GALNT13: variants seen among roughly 807,000 people sequenced by gnomAD.
GALNT13 encodes the protein polypeptide N-acetylgalactosaminyltransferase 13, also known as UDP-GalNAc:polypeptide N-acetylgalactosaminyltransferase 13.
Under a neutral mutation model 64.2 loss-of-function variants are expected in GALNT13, and 28 were observed. That is an observed-to-expected ratio of 0.44 (90% CI 0.32 to 0.60). The LOEUF (loss-of-function observed/expected upper bound fraction) is 0.60, where lower values mean the gene tolerates loss of function less well. Among genes scored for constraint, GALNT13 ranks in the 20% least tolerant of loss-of-function variants. The probability of loss-of-function intolerance (pLI) is 0.05; values close to 1 mark genes in which losing one functional copy is unlikely to be tolerated. For missense variants in GALNT13, 577 were observed against 669.8 expected, an observed-to-expected ratio of 0.86 and a Z score of 1.53; for synonymous variants, 214 against 224.6, an observed-to-expected ratio of 0.95 and a Z score of 0.42.
chr2:154,434,917 A>G (rs936005684), intron 11 of GALNT13, among the ~76,000 whole-genome samples: 11 of 152,230 alleles, frequency 7.2e-5, no homozygotes, highest in African/African-American at 2.7e-4. Context: ...TGTAATATAT[A>G]CGAAGCATAG....
At chr2:153,577,686 A>G in the GALNT13 span, among the ~76,000 whole-genome samples, 1 of 152,026 alleles carries the variant, frequency 6.6e-6, no homozygotes, top group Non-Finnish European at 1.5e-5. Flanking sequence ...ACAAAAATGG[A>G]CTATTGGCTT....
At chr2:153,551,607 T>C in the GALNT13 span, among the ~76,000 whole-genome samples, 15 of 152,252 alleles carry the variant, frequency 9.9e-5, no homozygotes, top group East Asian at 2.9e-3. Flanking sequence ...TATTGATGAA[T>C]GTTGGATGTG....
chr2:154,298,517 A>ATTTATATATAAAATTGTATATAT (rs367611718), intron 8 of GALNT13, among the ~76,000 whole-genome samples: 2 of 86,378 alleles, frequency 2.3e-5, no homozygotes. Context: ...TAAATTATAT[A>ATTTATATATAAAATTGTATATAT]TTATATATAA....
the GALNT13 span, among the ~76,000 whole-genome samples, chr2:153,747,421 GGTT>G: frequency 3.3e-4 from 39 of 117,342 alleles, no homozygotes; most frequent in African/African-American, 1.5e-3. Context: ...AAGTGCCTTT[GGTT>G]TTTTTTTTTT....
chr2:153,868,278 A>G (rs983504497), upstream of GALNT13, among the ~76,000 whole-genome samples: 25 of 152,266 alleles, frequency 1.6e-4, no homozygotes, highest in Middle Eastern at 3.4e-3. Context: ...CTTTGTCTTC[A>G]AAACCTATTG....
the GALNT13 span, among the ~76,000 whole-genome samples, chr2:153,503,174 C>A: frequency 6.6e-6 from 1 of 152,104 alleles, no homozygotes; most frequent in South Asian, 2.1e-4. Context: ...CTAAAATGAT[C>A]TTTTCAATGT....
At chr2:154,363,197 G>T (rs1697173664) in intron 9 of GALNT13, among the ~76,000 whole-genome samples, 1 of 152,146 alleles carries the variant, frequency 6.6e-6, no homozygotes. Flanking sequence ...GGCTTGGTAA[G>T]CCAGATGTAC....
chr2:154,378,240 C>A (rs1166855410), intron 9 of GALNT13, among the ~76,000 whole-genome samples: 1 of 152,104 alleles, frequency 6.6e-6, no homozygotes, highest in African/African-American at 2.4e-5. Flanking sequence ...GCTATACTTG[C>A]TCAATATTCA....
the GALNT13 span, among the ~76,000 whole-genome samples, chr2:153,254,661 A>G: frequency 6.6e-6 from 1 of 151,970 alleles, no homozygotes; most frequent in Admixed American, 6.6e-5. Flanking sequence ...AGATTCTGGT[A>G]TGTTGTGTCT....
chr2:153,132,984 A>G, the GALNT13 span, among the ~76,000 whole-genome samples: 1 of 151,934 alleles, frequency 6.6e-6, no homozygotes, highest in Non-Finnish European at 1.5e-5. Context: ...TGGCCTCCCA[A>G]AGTGCTGGGA....
At chr2:153,690,850 C>T in the GALNT13 span, among the ~76,000 whole-genome samples, 8 of 152,202 alleles carry the variant, frequency 5.3e-5, no homozygotes, top group East Asian at 1.5e-3. Flanking sequence ...CTGCAGGATG[C>T]TAAAGACCTA....
intron 9 of GALNT13, among the ~76,000 whole-genome samples, chr2:154,378,665 C>T (rs1698115138): frequency 2.0e-5 from 3 of 152,060 alleles, no homozygotes; most frequent in African/African-American, 7.2e-5. Flanking sequence ...TTCCTCCCCT[C>T]CCGATTCTCT....
intron 1 of GALNT13, among the ~76,000 whole-genome samples, chr2:153,889,173 C>T (rs1195086762): frequency 6.6e-6 from 1 of 151,928 alleles, no homozygotes; most frequent in African/African-American, 2.4e-5. Context: ...TGGCCTTGGA[C>T]ACCACTAAAA....
intron 9 of GALNT13, among the ~76,000 whole-genome samples, chr2:154,381,429 CT>C (rs1201413518): frequency 1.3e-5 from 2 of 152,046 alleles, no homozygotes; most frequent in Non-Finnish European, 2.9e-5. Context: ...CATTTATTCT[CT>C]GTACATCTCT....
chr2:153,141,201 T>C, the GALNT13 span, among the ~76,000 whole-genome samples: 1 of 149,166 alleles, frequency 6.7e-6, no homozygotes, highest in Admixed American at 7.2e-5. Flanking sequence ...GATAGCAGTT[T>C]TTTATTTTCT....
the GALNT13 span, among the ~76,000 whole-genome samples, chr2:153,633,250 C>T: frequency 6.6e-6 from 1 of 152,114 alleles, no homozygotes; most frequent in Non-Finnish European, 1.5e-5. Context: ...TTTCCCCTAT[C>T]CCTCAGGTTG....
chr2:154,011,834 T>C (rs1696657735), intron 3 of GALNT13, among the ~76,000 whole-genome samples: 1 of 152,234 alleles, frequency 6.6e-6, no homozygotes, highest in African/African-American at 2.4e-5. Flanking sequence ...CTTGTCTTTT[T>C]GATCATTCTT....
intron 9 of GALNT13, among the ~76,000 whole-genome samples, chr2:154,351,734 T>G (rs1456786335): frequency 7.1e-6 from 1 of 141,560 alleles, no homozygotes; most frequent in Non-Finnish European, 1.5e-5. Flanking sequence ...AGAGCTCTAT[T>G]TTATGAGATC....
intron 4 of GALNT13, among the ~76,000 whole-genome samples, chr2:154,213,507 A>G (rs1166546234): frequency 6.6e-6 from 1 of 152,218 alleles, no homozygotes; most frequent in Non-Finnish European, 1.5e-5. Flanking sequence ...AGTCAGTTCC[A>G]AGTTAATATA....
Sources: allele counts gnomAD v4.1 joint callset (sites outside exome capture counted in the v4.1 genomes callset), GRCh38; gene constraint gnomAD v4.1.1; transcripts MANE v1.5; gene names NCBI Gene and HGNC (gene_info 2026-07-23, HGNC 2026-07-21).